PTPRK: variants seen among roughly 807,000 people sequenced by gnomAD.
PTPRK encodes protein tyrosine phosphatase receptor type K.
A neutral mutation model predicts 178.0 loss-of-function variants in PTPRK; 75 were observed. The ratio of observed to expected loss-of-function variants is 0.42; its 90% CI spans 0.35 to 0.51. The LOEUF (loss-of-function observed/expected upper bound fraction) is 0.51. PTPRK is among the 20% of genes least tolerant of loss of function. The probability of loss-of-function intolerance (pLI) is 0.02; values close to 1 mark genes in which losing one functional copy is unlikely to be tolerated. For missense variants in PTPRK, 1,441 were observed against 1,797.8 expected (o/e 0.80, Z 3.59); for synonymous variants, 637 against 620.6 (o/e 1.03, Z -0.39).
intron 8 of PTPRK, among the ~76,000 whole-genome samples, chr6:128,086,229 G>A (rs1785791373): frequency 6.6e-6 from 1 of 152,080 alleles, no homozygotes; most frequent in East Asian, 1.9e-4. Context: ...TAAAATATGG[G>A]TGGGGCAAGA....
chr6:128,266,249 G>A (rs572386891), intron 3 of PTPRK, among the ~76,000 whole-genome samples: 1 of 152,110 alleles, frequency 6.6e-6, no homozygotes, highest in Non-Finnish European at 1.5e-5. Context: ...CTGAGGCTGG[G>A]AAAGGACACA....
intron 1 of PTPRK, among the ~76,000 whole-genome samples, chr6:128,503,509 T>TA (rs1346691290): frequency 2.0e-5 from 3 of 152,234 alleles, no homozygotes; most frequent in Non-Finnish European, 4.4e-5. Context: ...TGCAGGGACT[T>TA]AGTCAACTAA....
At chr6:128,215,756 A>G (rs570905138) in intron 6 of PTPRK, among the ~76,000 whole-genome samples, 55 of 152,294 alleles carry the variant, frequency 3.6e-4, no homozygotes, top group African/African-American at 1.3e-3. Flanking sequence ...CCCTTGGGTC[A>G]TCTTTGACAA....
chr6:128,344,577 G>A (rs1268144808), intron 2 of PTPRK, among the ~76,000 whole-genome samples: 1 of 151,772 alleles, frequency 6.6e-6, no homozygotes, highest in African/African-American at 2.4e-5. Flanking sequence ...GCAGATCATG[G>A]CGATCATGGC....
intron 2 of PTPRK, among the ~76,000 whole-genome samples, chr6:128,359,133 A>T (rs1047239702): frequency 5.3e-5 from 8 of 152,196 alleles, no homozygotes; most frequent in Non-Finnish European, 8.8e-5. Flanking sequence ...GGGCAACCAT[A>T]CAACCCAGTG....
chr6:127,979,588 G>A (rs1368799759), intron 25 of PTPRK, among the ~76,000 whole-genome samples: 2 of 152,192 alleles, frequency 1.3e-5, no homozygotes, highest in Non-Finnish European at 2.9e-5. Flanking sequence ...TCACAGCAAG[G>A]ATGAGAGCTT....
chr6:128,480,079 C>G (rs759991150), intron 1 of PTPRK, among the ~76,000 whole-genome samples: 1 of 152,018 alleles, frequency 6.6e-6, no homozygotes. Flanking sequence ...AGTGCTGCCC[C>G]GACTCCCACT....
intron 6 of PTPRK, among the ~76,000 whole-genome samples, chr6:128,214,107 G>A (rs928446950): frequency 6.6e-6 from 1 of 152,144 alleles, no homozygotes; most frequent in Non-Finnish European, 1.5e-5. Context: ...TGTGCTAGGT[G>A]CTGAAGCAAA....
intron 13 of PTPRK, among the ~76,000 whole-genome samples, chr6:128,033,888 T>A (rs889292790): frequency 6.6e-6 from 1 of 151,532 alleles, no homozygotes; most frequent in Non-Finnish European, 1.5e-5. Context: ...AAGTAGGGGA[T>A]AAAAGATGAA....
chr6:128,265,726 TACA>T (rs778998670), intron 3 of PTPRK, among the ~76,000 whole-genome samples: 102 of 152,304 alleles, frequency 6.7e-4, no homozygotes, highest in Middle Eastern at 3.4e-3. Flanking sequence ...TCTAAGGTGG[TACA>T]ACATTTAATT....
chr6:128,452,487 A>G (rs1181048133), intron 1 of PTPRK, among the ~76,000 whole-genome samples: 1 of 152,150 alleles, frequency 6.6e-6, no homozygotes, highest in Non-Finnish European at 1.5e-5. Context: ...CTAAGCTTCA[A>G]TCGCTGGGGA....
At position 128,184,498 on chromosome 6, in the gene PTPRK, T is replaced by C; in HGVS notation, c.1096A>G (p.Thr366Ala). The C allele has an allele frequency of 6.2e-7, 1 of 1,613,862 alleles. No homozygotes were observed. Among genetic ancestry groups the C allele is most frequent in the East Asian group, 2.2e-5 (1 of 44,844 alleles). Reference protein sequence around the residue: ...DTEYEIRVLLTRPGEGGTGLP... With the variant: ...DTEYEIRVLLARPGEGGTGLP... The stretch of plus-strand genomic sequence containing the variant: ...CCCGTTCCACCTTCACCAGGTCTTG[T>C]AAGTAGAACTCGGATCTCATATTCG... Residue 366 changes from threonine to alanine, a missense_variant, in exon 7 of 30, where the codon ACA becomes GCA. Thr to Ala is a moderately conservative substitution (Grantham distance 58). Around this residue, in one of 4 missense-constraint regions of PTPRK, gnomAD observed 945 missense variants for 1,080.6 expected, o/e 0.87. Transcript: ENST00000368226.
chr6:128,193,585 G>A (rs960157123), intron 6 of PTPRK, among the ~76,000 whole-genome samples: 1 of 151,946 alleles, frequency 6.6e-6, no homozygotes, highest in African/African-American at 2.4e-5. Context: ...TGTCTCTCAA[G>A]TCCCCATGTG....
chr6:128,164,142 G>T (rs953724598), intron 7 of PTPRK, among the ~76,000 whole-genome samples: 1 of 151,308 alleles, frequency 6.6e-6, no homozygotes, highest in Non-Finnish European at 1.5e-5. Flanking sequence ...TGGCTAAACA[G>T]AAACTATTAC....
At chr6:128,503,350 T>C (rs1184891574) in intron 1 of PTPRK, among the ~76,000 whole-genome samples, 2 of 152,228 alleles carry the variant, frequency 1.3e-5, no homozygotes, top group African/African-American at 2.4e-5. Flanking sequence ...ATTTTGCCAA[T>C]TGATGGCCTG....
At chr6:128,347,427 T>C (rs1449958715) in intron 2 of PTPRK, among the ~76,000 whole-genome samples, 1 of 152,188 alleles carries the variant, frequency 6.6e-6, no homozygotes, top group Non-Finnish European at 1.5e-5. Flanking sequence ...TTGCAGGACC[T>C]TAGGGTCCTC....
At chr6:128,076,026 G>A (rs1783751854) in intron 11 of PTPRK, among the ~76,000 whole-genome samples, 2 of 151,946 alleles carry the variant, frequency 1.3e-5, no homozygotes, top group Non-Finnish European at 1.5e-5. Flanking sequence ...GACAGGGGTG[G>A]CAGGGGGAAG....
At chr6:128,159,162 C>A (rs145539730) in intron 7 of PTPRK, among the ~76,000 whole-genome samples, 1,552 of 151,680 alleles carry the variant, frequency 0.01, 13 homozygotes, top group African/African-American at 0.019. Context: ...ACAACAACAA[C>A]AAAAAACTTC....
intron 7 of PTPRK, among the ~76,000 whole-genome samples, chr6:128,167,383 AC>A (rs1235000001): frequency 6.6e-6 from 1 of 151,960 alleles, no homozygotes; most frequent in African/African-American, 2.4e-5. Flanking sequence ...ATCTGTAATG[AC>A]TTATTTCTAA....
Sources: gnomAD v4.1 joint callset for allele counts (sites outside exome capture counted in the v4.1 genomes callset) on GRCh38, gnomAD v4.1.1 for gene constraint, gnomAD v4.1.1 regional missense constraint, MANE v1.5 for transcripts, NCBI Gene and HGNC (gene_info 2026-07-23, HGNC 2026-07-21) for gene names.